INSR: variants seen among roughly 807,000 people sequenced by gnomAD.
The protein encoded by INSR is insulin receptor.
A neutral mutation model predicts 142.6 loss-of-function variants in INSR; 67 were observed. The ratio of observed to expected loss-of-function variants is 0.47; its 90% CI spans 0.39 to 0.58. The LOEUF (loss-of-function observed/expected upper bound fraction) is 0.58, where lower values mean the gene tolerates loss of function less well. INSR is among the 20% of genes least tolerant of loss of function. The pLI is 0.00. For synonymous variants in INSR, 756 were observed against 743.1 expected (o/e 1.02, Z -0.28); for missense variants, 1,248 against 1,833.2 (o/e 0.68, Z 5.83).
At chr19:7,153,340 C>T (rs1973480891) in intron 9 of INSR, among the ~76,000 whole-genome samples, 1 of 143,414 alleles carries the variant, frequency 7.0e-6, no homozygotes, top group Non-Finnish European at 1.5e-5. Context: ...ACCCACGCCA[C>T]ACACCACAGA....
chr19:7,292,183 C>A (rs1968510735), intron 1 of INSR, among the ~76,000 whole-genome samples: 1 of 151,932 alleles, frequency 6.6e-6, no homozygotes, highest in African/African-American at 2.4e-5. Flanking sequence ...CTCCTCCTCC[C>A]GGGTTCAAGC....
intron 2 of INSR, among the ~76,000 whole-genome samples, chr19:7,198,499 C>T (rs1430406602): frequency 6.6e-6 from 1 of 152,138 alleles, no homozygotes; most frequent in Admixed American, 6.5e-5. Flanking sequence ...CGGCGCTGGG[C>T]GTGTGCCCGG....
In INSR at chr19:7,282,905, G is replaced by A. The variant is rs570427253; in HGVS notation, c.100+10887C>T. 1.8e-3 allele frequency among the ~76,000 whole-genome samples: 277 copies of A among 151,976 alleles called. 1 individual carries two copies. The highest frequency in any genetic ancestry group is 6.3e-3 in the African/African-American group (263 of 41,446). ...GGAGAATGGCATGAACCCGGAAGGC[G>A]AAGCTTGCAGTAAGCTGAGATCACG... is the stretch of plus-strand genomic sequence containing the variant. On this transcript the variant is annotated intron_variant, in intron 1 of 21. Transcript: ENST00000302850.
chr19:7,155,005 T>C (rs1973553364), intron 9 of INSR, among the ~76,000 whole-genome samples: 2 of 152,152 alleles, frequency 1.3e-5, no homozygotes, highest in African/African-American at 4.8e-5. Flanking sequence ...CTGTCTTCAG[T>C]GGACTTACAG....
At chr19:7,155,137 A>T (rs1466337193) in intron 9 of INSR, among the ~76,000 whole-genome samples, 3 of 152,150 alleles carry the variant, frequency 2.0e-5, no homozygotes, top group Admixed American at 6.6e-5. Context: ...AGACATCCTG[A>T]ATTCAGCAAA....
intron 2 of INSR, among the ~76,000 whole-genome samples, chr19:7,251,729 G>A (rs934071894): frequency 2.0e-4 from 30 of 152,074 alleles, no homozygotes; most frequent in African/African-American, 6.8e-4. Context: ...GGCTTTTGGA[G>A]GGGGTGTTCT....
chr19:7,292,565 G>A (rs999037501), intron 1 of INSR, among the ~76,000 whole-genome samples: 2 of 151,830 alleles, frequency 1.3e-5, no homozygotes, highest in African/African-American at 2.4e-5. Flanking sequence ...GATTTTACAT[G>A]CACCCGTTTC....
intron 2 of INSR, among the ~76,000 whole-genome samples, chr19:7,239,102 A>T (rs889866675): frequency 2.0e-5 from 3 of 152,176 alleles, no homozygotes; most frequent in Admixed American, 6.6e-5. Context: ...AGAGATTTAA[A>T]AAGATGGATG....
chr19:7,163,948 A>AAAAAAAT (rs1411048837), intron 8 of INSR, among the ~76,000 whole-genome samples: 4 of 136,128 alleles, frequency 2.9e-5, no homozygotes, highest in African/African-American at 6.3e-5. Flanking sequence ...AAAAAAAAAA[A>AAAAAAAT]ATTAGCTGGA....
chr19:7,170,133 T>C (rs994640883), intron 6 of INSR, among the ~76,000 whole-genome samples: 2 of 152,130 alleles, frequency 1.3e-5, no homozygotes, highest in African/African-American at 4.8e-5. Context: ...TCCCCATCGC[T>C]TGCATGACCA....
intron 19 of INSR, among the ~76,000 whole-genome samples, chr19:7,121,423 T>C (rs1036708733): frequency 7.2e-5 from 11 of 152,262 alleles, no homozygotes; most frequent in African/African-American, 2.6e-4. Context: ...TTTCTGCCTC[T>C]CTCCTCATCC....
intron 1 of INSR, among the ~76,000 whole-genome samples, chr19:7,271,679 C>T (rs572711121): frequency 6.6e-6 from 1 of 152,278 alleles, no homozygotes; most frequent in African/African-American, 2.4e-5. Context: ...TACGTCCACA[C>T]AAAGACGTGT....
intron 13 of INSR, among the ~76,000 whole-genome samples, chr19:7,133,049 C>T (rs1972824553): frequency 6.6e-6 from 1 of 151,884 alleles, no homozygotes; most frequent in Non-Finnish European, 1.5e-5. Context: ...ATTGCTGGAG[C>T]CCAGGAGTTA....
chr19:7,142,389 CAAAAAAAAA>C (rs34453877), intron 12 of INSR, among the ~76,000 whole-genome samples: 1 of 42,148 alleles, frequency 2.4e-5, no homozygotes, highest in African/African-American at 1.0e-4. Flanking sequence ...GACTTCATCT[CAAAAAAAAA>C]AAAAAAAAAA....
chr19:7,230,119 C>T (rs1002567197), intron 2 of INSR, among the ~76,000 whole-genome samples: 4 of 152,052 alleles, frequency 2.6e-5, no homozygotes, highest in Non-Finnish European at 5.9e-5. Flanking sequence ...TTGTTCTCGG[C>T]CACATTCTCA....
At chr19:7,231,412 T>G (rs1975974840) in intron 2 of INSR, among the ~76,000 whole-genome samples, 1 of 150,968 alleles carries the variant, frequency 6.6e-6, no homozygotes. Context: ...GTGATTGTCC[T>G]GCCTCAGCCT....
At chr19:7,270,283 C>T (rs1228248375) in intron 1 of INSR, among the ~76,000 whole-genome samples, 2 of 150,962 alleles carry the variant, frequency 1.3e-5, no homozygotes, top group East Asian at 3.9e-4. Flanking sequence ...TAGCCCTGGG[C>T]TTCTCAACCC....
Position 7,150,673 on chromosome 19 carries a change from T to C in INSR, c.2232-141A>G. 6.6e-6 allele frequency: 5 copies of C among 759,188 alleles called. No individual in the cohort carries two copies. The highest frequency in any genetic ancestry group is 2.0e-5 in the Admixed American group (1 of 49,842). The allele number at this position is 759,188 out of a possible 1,614,324, so 47.0% of individuals were successfully genotyped here. A position where few individuals can be genotyped will look rare whatever the true frequency, so the allele number is the denominator to read the frequency against. On this transcript the variant is annotated intron_variant, in intron 10 of 21. Transcript: ENST00000302850. This position sits in a 1 kb window ranked among gnomAD's most constrained non-coding sequence, Gnocchi z 4.2. Reference sequence around the variant, plus strand: ...TGGACCACTCGCTCCCATCACTTGCTAGACGGAGTGAGCTACATCTTCCCC... The same window carrying C: ...TGGACCACTCGCTCCCATCACTTGCCAGACGGAGTGAGCTACATCTTCCCC...
intron 2 of INSR, among the ~76,000 whole-genome samples, chr19:7,261,569 C>T (rs1254869906): frequency 1.3e-5 from 2 of 151,698 alleles, no homozygotes; most frequent in Non-Finnish European, 2.9e-5. Context: ...TTCACTCTGT[C>T]GGCCAGGCTG....
Sources: gnomAD v4.1 joint callset for allele counts (sites outside exome capture counted in the v4.1 genomes callset) on GRCh38, gnomAD v4.1.1 for gene constraint, Gnocchi (gnomAD v3.1) non-coding constraint, MANE v1.5 for transcripts, NCBI Gene and HGNC (gene_info 2026-07-23, HGNC 2026-07-21) for gene names.